The following JAKMIP3 variants were observed in gnomAD, a reference collection of about 807,000 sequenced individuals.
JAKMIP3 encodes Janus kinase and microtubule interacting protein 3, also known as janus kinase and microtubule-interacting protein 3.
A neutral mutation model predicts 118.5 loss-of-function variants in JAKMIP3; 58 were observed. The ratio of observed to expected loss-of-function variants is 0.49; its 90% confidence interval spans 0.40 to 0.61. The LOEUF is 0.61. Among genes scored for constraint, JAKMIP3 ranks in the 20% least tolerant of loss-of-function variants. The pLI is 0.00. For synonymous variants in JAKMIP3, 486 were observed against 451.2 expected (o/e 1.08, Z -0.98); for missense variants, 950 against 1,109.0 (o/e 0.86, Z 2.04).
chr10:132,141,430 G>A (rs917711346), intron 10 of JAKMIP3, among the ~76,000 whole-genome samples: 1 of 152,210 alleles, frequency 6.6e-6, no homozygotes, highest in African/African-American at 2.4e-5. Flanking sequence ...GCAGCTAGCA[G>A]GGTGAGCCTG....
At chr10:132,146,095 C>A (rs1020263941) in intron 13 of JAKMIP3, among the ~76,000 whole-genome samples, 5 of 152,116 alleles carry the variant, frequency 3.3e-5, no homozygotes, top group Non-Finnish European at 7.4e-5. Flanking sequence ...CTCTCTTGGT[C>A]CCAGATGACA....
intron 1 of JAKMIP3, among the ~76,000 whole-genome samples, chr10:132,098,784 C>A (rs2044374324): frequency 6.6e-6 from 1 of 152,190 alleles, no homozygotes; most frequent in African/African-American, 2.4e-5. Flanking sequence ...GGGCTCTTTA[C>A]CACAGCGCTC....
At chr10:132,092,996 C>G (rs2043292859) in intron 1 of JAKMIP3, among the ~76,000 whole-genome samples, 1 of 152,158 alleles carries the variant, frequency 6.6e-6, no homozygotes, top group Non-Finnish European at 1.5e-5. Flanking sequence ...CAGTCAGGAC[C>G]CTCAGCTGCA....
rs367588656 is a variant in JAKMIP3 at position 132,149,380 on chromosome 10, G to T, written c.1849-32G>T. On this transcript the variant is annotated intron_variant, in intron 14 of 23. Coordinates refer to ENST00000684848, the MANE Select transcript of JAKMIP3 (RefSeq NM_001323087.2). ...CTCTTAGAGGGAAGGGATGGGAGGG[G>T]AGCGGCTCACCCTTCTGTCCCTCTG... 5 of 1,414,420 alleles carry T rather than the reference G, an allele frequency of 3.5e-6. No individual in the cohort carries two copies. In the African/African-American group the frequency reaches 4.2e-5, roughly 12 times the overall value. 87.6% of individuals were successfully genotyped at this position (1,414,420 alleles called of 1,614,324 possible).
chr10:132,140,369 T>G, intron 9 of JAKMIP3, 82 bp from the exon 10 acceptor site: 1 of 1,558,490 alleles, frequency 6.4e-7, no homozygotes, highest in Non-Finnish European at 8.7e-7. Context: ...GCCCCCACCG[T>G]TGGGCAGCGG....
Position 132,070,133 on chromosome 10 carries a change from CA to C in JAKMIP3, c.-138+4073del, listed in dbSNP as rs144383499. On this transcript the variant is annotated intron_variant, in intron 1 of 23. Coordinates refer to ENST00000684848, the MANE Select transcript of JAKMIP3 (RefSeq NM_001323087.2). ...CCTCTGTCTAAACAGCACTGTCTTC[CA>C]TTTTTTTTTTTAGTTGCATTTTTAT... 1.9e-3 allele frequency among the ~76,000 whole-genome samples: 282 copies of C among 149,328 alleles called. 3 individuals are homozygous for C. The highest frequency in any genetic ancestry group is 0.017 in the South Asian group (82 of 4,736).
intron 1 of JAKMIP3, among the ~76,000 whole-genome samples, chr10:132,046,112 A>G (rs750479370): frequency 3.3e-5 from 5 of 152,056 alleles, no homozygotes; most frequent in Non-Finnish European, 5.9e-5. Context: ...CCCAGCTTCC[A>G]CGCTCCCACC....
intron 7 of JAKMIP3, 23 bp downstream of exon 7, chr10:132,137,173 C>A (rs371845258): frequency 6.2e-7 from 1 of 1,613,720 alleles, no homozygotes; most frequent in Non-Finnish European, 8.5e-7. Context: ...CTGTTTGCTG[C>A]GGCCCCGTCC....
intron 11 of JAKMIP3, chr10:132,144,522 T>A (rs1022652083): frequency 6.5e-6 from 1 of 152,788 alleles, no homozygotes; most frequent in Admixed American, 6.5e-5. Flanking sequence ...GTCATCCTCA[T>A]TGGCTGTGTC....
chr10:132,060,355 A>G (rs562623642), upstream of JAKMIP3, among the ~76,000 whole-genome samples: 2 of 152,332 alleles, frequency 1.3e-5, no homozygotes, highest in Non-Finnish European at 1.5e-5. Flanking sequence ...AGGCACAGGC[A>G]GGCTCTGAAG....
rs368625157 is a variant in JAKMIP3 at position 132,147,959 on chromosome 10, A to G, written c.1757A>G (p.Gln586Arg). 55 of 1,605,400 alleles carry G rather than the reference A, an allele frequency of 3.4e-5. No homozygotes were observed. Among genetic ancestry groups the G allele is most frequent in the Non-Finnish European group, 4.4e-5 (52 of 1,175,640 alleles). The change falls in exon 14 of 24, where the codon CAA becomes CGA. Residue 586 changes from glutamine (Q) to arginine (R), a missense_variant. Transcript: ENST00000684848. ...GCATCTTTTATGTTGCAGATCAAAC[A>G]AATGGAGACGGAAGAGGCTCGGCTC... is the stretch of plus-strand genomic sequence containing the variant. Reference protein sequence around the residue: ...RNQELVEKIKQMETEEARLRH... With the variant: ...RNQELVEKIKRMETEEARLRH...
At chr10:132,133,166 G>A in intron 3 of JAKMIP3, 146 bp from the exon 4 acceptor site, 1 of 700,036 alleles carries the variant, frequency 1.4e-6, no homozygotes, top group Middle Eastern at 4.0e-4. Flanking sequence ...TCAGCCCAGG[G>A]CCACGGGCTC....
intron 2 of JAKMIP3, among the ~76,000 whole-genome samples, chr10:132,105,883 G>A (rs943368036): frequency 1.4e-5 from 2 of 147,014 alleles, no homozygotes; most frequent in African/African-American, 5.1e-5. Context: ...ATCTCTCTTG[G>A]GACCTGCATG....
At chr10:132,045,740 A>G (rs2037890140) in intron 1 of JAKMIP3, among the ~76,000 whole-genome samples, 1 of 152,014 alleles carries the variant, frequency 6.6e-6, no homozygotes, top group Admixed American at 6.5e-5. Flanking sequence ...ACGATATTGG[A>G]CAATATAGTA....
intron 23 of JAKMIP3, among the ~76,000 whole-genome samples, chr10:132,181,750 C>T (rs1382546707): frequency 6.6e-6 from 1 of 152,208 alleles, no homozygotes; most frequent in Non-Finnish European, 1.5e-5. Context: ...TCAGACCTCT[C>T]CTAGATTAGA....
intron 9 of JAKMIP3, among the ~76,000 whole-genome samples, 173 bp from the exon 10 acceptor site, chr10:132,140,278 T>C (rs1564950379): frequency 6.8e-6 from 1 of 147,502 alleles, no homozygotes; most frequent in Non-Finnish European, 1.5e-5. Context: ...AGCCTTGCCA[T>C]AGAGCGCCCC....
At chr10:132,068,330 G>C (rs2039253572) in intron 1 of JAKMIP3, among the ~76,000 whole-genome samples, 1 of 152,196 alleles carries the variant, frequency 6.6e-6, no homozygotes, top group Non-Finnish European at 1.5e-5. Flanking sequence ...GGCAAGCTAG[G>C]ATGTGGCTGG....
At chr10:132,159,698 G>C (rs1247280997) in intron 19 of JAKMIP3, among the ~76,000 whole-genome samples, 2 of 111,110 alleles carry the variant, frequency 1.8e-5, no homozygotes, top group South Asian at 3.6e-4. Context: ...TGCTCAGGGG[G>C]CCTCTCCCTG....
intron 3 of JAKMIP3, 33 bp from the exon 4 acceptor site, chr10:132,133,279 C>T (rs376443541): frequency 2.5e-5 from 38 of 1,515,730 alleles, no homozygotes; most frequent in East Asian, 1.2e-4. Context: ...CGTGTCCTGC[C>T]GCCTGTGTGA....
Sources: allele counts gnomAD v4.1 joint callset (sites outside exome capture counted in the v4.1 genomes callset), GRCh38; gene constraint gnomAD v4.1.1; transcripts MANE v1.5; gene names NCBI Gene and HGNC (gene_info 2026-07-23, HGNC 2026-07-21).